The following CCDC7 variants were observed in gnomAD, a reference collection of about 807,000 sequenced individuals.
CCDC7 encodes the protein coiled-coil domain-containing protein 7.
CCDC7 carries 183 observed loss-of-function variants against 196.9 expected under a neutral mutation model. That is an observed-to-expected ratio of 0.93 (90% CI 0.82 to 1.05). The LOEUF (loss-of-function observed/expected upper bound fraction) is 1.05, where lower values mean the gene tolerates loss of function less well. Ranked by LOEUF, CCDC7 falls within the 50% of genes least tolerant of loss-of-function variation. CCDC7 has a pLI of 0.00. For missense variants in CCDC7, 1,540 were observed against 1,482.2 expected (o/e 1.04, Z -0.64); for synonymous variants, 525 against 484.6 (o/e 1.08, Z -1.10).
At chr10:32,498,453 G>T (rs1226357453) in intron 9 of CCDC7, among the ~76,000 whole-genome samples, 2 of 152,176 alleles carry the variant, frequency 1.3e-5, no homozygotes, top group Non-Finnish European at 2.9e-5. Flanking sequence ...TTGCCCGTTA[G>T]TTGATGCTGT....
At chr10:32,500,753 C>T (rs937782365) in intron 9 of CCDC7, among the ~76,000 whole-genome samples, 1 of 152,188 alleles carries the variant, frequency 6.6e-6, no homozygotes, top group Non-Finnish European at 1.5e-5. Context: ...CCAGCCTGGG[C>T]AACATTGAGC....
chr10:32,725,652 C>T (rs747467894), intron 25 of CCDC7, among the ~76,000 whole-genome samples: 1 of 152,024 alleles, frequency 6.6e-6, no homozygotes, highest in African/African-American at 2.4e-5. Flanking sequence ...TCTGATGAGG[C>T]CTCAGGGAGT....
chr10:32,670,515 A>G lies in CCDC7; in HGVS notation c.2122+6354A>G, dbSNP rs549765270. ...ACTAACTCGTCATCTAGCATTAGGT[A>G]TATCTCCCAGTGCTATCCCTCCCCC... On this transcript the variant is annotated intron_variant, in intron 21 of 41. Coordinates refer to ENST00000639629, the Ensembl canonical transcript of CCDC7. 1.6e-3 allele frequency among the ~76,000 whole-genome samples: 240 copies of G among 149,136 alleles called. 1 individual carries two copies. The highest frequency in any genetic ancestry group is 2.8e-3 in the Non-Finnish European group (191 of 67,218).
At position 32,637,070 on chromosome 10, in the gene CCDC7, G is replaced by A. The variant is rs550639066; in HGVS notation, c.2014+1912G>A. ...TCATATCTTTCGCCCACTTTTTGAT[G>A]GGGTTGTTTGTTTTTTTCTTGTGAA... On this transcript the variant is annotated intron_variant, in intron 20 of 41. Coordinates refer to ENST00000639629, the Ensembl canonical transcript of CCDC7. Among the ~76,000 whole-genome samples, 452 of 152,212 alleles carry A rather than the reference G, an allele frequency of 3.0e-3. 2 individuals carry two copies. The highest frequency in any genetic ancestry group is 0.01 in the African/African-American group (429 of 41,528).
intron 28 of CCDC7, among the ~76,000 whole-genome samples, chr10:32,778,434 A>C (rs969155230): frequency 1.4e-4 from 21 of 152,148 alleles, no homozygotes; most frequent in African/African-American, 3.6e-4. Context: ...TCATTTATTG[A>C]GTAAGGAGTC....
At chr10:32,498,352 CT>C (rs991107718) in intron 9 of CCDC7, among the ~76,000 whole-genome samples, 8 of 152,038 alleles carry the variant, frequency 5.3e-5, no homozygotes, top group African/African-American at 1.9e-4. Context: ...CAGTCTGTGT[CT>C]TTTGATTGCG....
In CCDC7 at chr10:32,548,687, A is replaced by G. The variant is rs376054598; in HGVS notation, c.1134+4386A>G. ...GTTTGGTTTTCCATTCCTGAGTTAC[A>G]TCACTTAGAATAATAGTCTCCAATC... On this transcript the variant is annotated intron_variant, in intron 13 of 41. Coordinates refer to ENST00000639629, the Ensembl canonical transcript of CCDC7. Among the ~76,000 whole-genome samples, 6 of 152,282 alleles carry G rather than the reference A, an allele frequency of 3.9e-5. No homozygotes were observed. In the South Asian group the frequency reaches 1.0e-3, roughly 26 times the overall value.
intron 41 of CCDC7, among the ~76,000 whole-genome samples, chr10:32,871,061 T>A (rs976746729): frequency 2.2e-4 from 33 of 151,968 alleles, no homozygotes; most frequent in Middle Eastern, 3.2e-3. Flanking sequence ...ATTCTCTTTT[T>A]TTGTTTTGTT....
intron 14 of CCDC7, among the ~76,000 whole-genome samples, chr10:32,566,964 TATATATAA>T (rs1564677402): frequency 7.5e-6 from 1 of 132,876 alleles, no homozygotes; most frequent in East Asian, 2.2e-4. Context: ...CAGGGTTTTT[TATATATAA>T]ATATATAACA....
At chr10:32,691,847 C>T (rs982453086) in intron 23 of CCDC7, among the ~76,000 whole-genome samples, 1 of 152,204 alleles carries the variant, frequency 6.6e-6, no homozygotes, top group Non-Finnish European at 1.5e-5. Flanking sequence ...GGGAACATGT[C>T]ATGGGTGGGC....
chr10:32,459,173 A>C (rs1210433803), intron 3 of CCDC7, among the ~76,000 whole-genome samples: 1 of 152,182 alleles, frequency 6.6e-6, no homozygotes, highest in East Asian at 1.9e-4. Context: ...ATTAATTCTA[A>C]GAAGTTTTTG....
At chr10:32,811,426 T>C (rs1031306624) in intron 30 of CCDC7, among the ~76,000 whole-genome samples, 1 of 152,030 alleles carries the variant, frequency 6.6e-6, no homozygotes, top group Non-Finnish European at 1.5e-5. Context: ...TGGACACATA[T>C]AGCCTACCAA....
chr10:32,828,550 A>T (rs921428331), intron 32 of CCDC7, among the ~76,000 whole-genome samples: 2 of 147,716 alleles, frequency 1.4e-5, no homozygotes, highest in Non-Finnish European at 3.0e-5. Context: ...GAAGAAGAAG[A>T]AGAAGAAGAA....
At chr10:32,750,252 C>T (rs1001134444) in intron 28 of CCDC7, among the ~76,000 whole-genome samples, 2 of 151,946 alleles carry the variant, frequency 1.3e-5, no homozygotes, top group African/African-American at 4.8e-5. Flanking sequence ...TTTGTTTATC[C>T]AGTCTGCTAG....
At chr10:32,609,970 A>G (rs1231347200) in intron 18 of CCDC7, among the ~76,000 whole-genome samples, 1 of 151,542 alleles carries the variant, frequency 6.6e-6, no homozygotes, top group African/African-American at 2.4e-5. Flanking sequence ...GAGATGTTTC[A>G]TGTCCTGGGT....
chr10:32,470,945 C>T (rs1051752165), intron 5 of CCDC7, 119 bp from the exon 7 acceptor site: 3 of 947,390 alleles, frequency 3.2e-6, no homozygotes, highest in Non-Finnish European at 4.5e-6. Context: ...TTGGCTATAG[C>T]TATAGATAAG....
At chr10:32,501,980 C>T (rs530287168) in intron 9 of CCDC7, among the ~76,000 whole-genome samples, 4 of 152,158 alleles carry the variant, frequency 2.6e-5, no homozygotes, top group South Asian at 2.1e-4. Context: ...CAGGGAGCTG[C>T]GGTGGGCTCC....
intron 28 of CCDC7, among the ~76,000 whole-genome samples, chr10:32,765,581 A>G (rs893929898): frequency 2.6e-5 from 4 of 152,110 alleles, no homozygotes; most frequent in African/African-American, 9.7e-5. Flanking sequence ...GATTCTACCT[A>G]GGAAAATTTT....
chr10:32,719,456 T>C (rs879459872), intron 25 of CCDC7, among the ~76,000 whole-genome samples: 3 of 152,090 alleles, frequency 2.0e-5, no homozygotes, highest in African/African-American at 4.8e-5. Context: ...ATTCAGGACA[T>C]AGGCAAGGGC....
Sources: allele counts gnomAD v4.1 joint callset (sites outside exome capture counted in the v4.1 genomes callset), GRCh38; gene constraint gnomAD v4.1.1; transcripts MANE v1.5; gene names NCBI Gene and HGNC (gene_info 2026-07-23, HGNC 2026-07-21).